Variants in ZBED6 observed in about 807,000 individuals in gnomAD.
ZBED6 encodes the protein zinc finger BED domain-containing protein 6.
In ZBED6, 40 loss-of-function variants were observed where a neutral mutation model predicts 58.4. The observed-to-expected ratio is 0.68, with a 90% confidence interval of 0.53 to 0.89. The LOEUF (loss-of-function observed/expected upper bound fraction) is 0.89, where lower values mean the gene tolerates loss of function less well. Among genes scored for constraint, ZBED6 ranks in the 40% least tolerant of loss-of-function variants. ZBED6 has a pLI of 0.00. For synonymous variants in ZBED6, 439 were observed against 350.6 expected (o/e 1.25, Z -2.82); for missense variants, 1,057 against 1,003.9 (o/e 1.05, Z -0.71).
At chr1:203,830,172 G>A in exon 7 of ZBED6, 1 of 1,598,774 alleles carries the variant, frequency 6.3e-7, no homozygotes, top group Non-Finnish European at 8.5e-7. Context: ...TTAAGTCAAA[G>A]AAAATGAAGG....
At chr1:203,815,596 A>G (rs1178358190) in intron 1 of ZBED6, among the ~76,000 whole-genome samples, 1 of 152,078 alleles carries the variant, frequency 6.6e-6, no homozygotes, top group African/African-American at 2.4e-5. Flanking sequence ...ATTATAATAC[A>G]TTCTAGAAAT....
rs765761791 is a variant in ZBED6 at position 203,831,690 on chromosome 1, C to G, written c.*3429C>G. ...TTCTTCAGGAGTTTCCAGTCTTTTA[C>G]TCCACCCTGAGCCCGTTCCAGGTCC... On this transcript the variant is annotated 3_prime_UTR_variant, in exon 8 of 17. Coordinates refer to ENST00000550078, the Ensembl canonical transcript of ZBED6. The G allele has an allele frequency of 5.0e-6, 8 of 1,612,914 alleles. No individual in the cohort carries two copies. In the East Asian group the frequency reaches 8.9e-5, roughly 18 times the overall value.
chr1:203,851,025 C>CT, intron 15 of ZBED6, 32 bp from the exon 16 acceptor site: 1 of 1,610,486 alleles, frequency 6.2e-7, no homozygotes. Context: ...AAGCCTGACT[C>CT]TCACTGAATT....
At chr1:203,839,235 AG>A (rs1425010096) in intron 10 of ZBED6, among the ~76,000 whole-genome samples, 1 of 152,210 alleles carries the variant, frequency 6.6e-6, no homozygotes, top group Admixed American at 6.5e-5. Flanking sequence ...TTTAAAGACA[AG>A]GTTTCACAGT....
At position 203,801,869 on chromosome 1, in the gene ZBED6, A is replaced by G. The variant is rs556669771; in HGVS notation, c.*1407A>G. ...GGTAAATATGCCATTGTGAAATGAA[A>G]TCTCAACTCCAAAAGTTTACCCTTT... is the stretch of plus-strand genomic sequence containing the variant. On this transcript the variant is annotated 3_prime_UTR_variant, in exon 1 of 17. Coordinates refer to ENST00000550078, the Ensembl canonical transcript of ZBED6. 15 of 149,842 alleles carry G rather than the reference A, an allele frequency of 1.0e-4. No individual in the cohort carries two copies. The South Asian group carries it at 2.9e-3, about 29-fold the overall frequency. 9.3% of individuals were successfully genotyped at this position (149,842 alleles called of 1,614,324 possible). A position where few individuals can be genotyped will look rare whatever the true frequency, so the allele number is the denominator to read the frequency against.
intron 3 of ZBED6, among the ~76,000 whole-genome samples, chr1:203,825,004 G>A (rs1180743271): frequency 6.7e-6 from 1 of 148,748 alleles, no homozygotes; most frequent in Non-Finnish European, 1.5e-5. Flanking sequence ...TTGAACCCTG[G>A]AGGTGGAGGT....
chr1:203,806,233 T>G, intron 1 of ZBED6: 1 of 364,574 alleles, frequency 2.7e-6, no homozygotes, highest in South Asian at 2.2e-5. Flanking sequence ...CAGCGGAGCC[T>G]TAATTTCACT....
At chr1:203,799,233 C>T (rs756860781) in exon 1 of ZBED6, 5 of 868,464 alleles carry the variant, frequency 5.8e-6, no homozygotes, top group Non-Finnish European at 9.3e-6. Flanking sequence ...TAATGTGGTA[C>T]ATGCAATCAA....
At chr1:203,849,557 AG>A (rs1447902764) in intron 13 of ZBED6, among the ~76,000 whole-genome samples, 153 bp from the exon 14 acceptor site, 1 of 152,166 alleles carries the variant, frequency 6.6e-6, no homozygotes, top group Non-Finnish European at 1.5e-5. Flanking sequence ...CATCTTTAAC[AG>A]GGTATTGTCT....
chr1:203,843,177 C>G (rs1259242908), intron 11 of ZBED6, among the ~76,000 whole-genome samples: 2 of 151,980 alleles, frequency 1.3e-5, no homozygotes, highest in Non-Finnish European at 2.9e-5. Flanking sequence ...GCTGCAGGTT[C>G]ACTGTTGTGG....
At chr1:203,800,021 A>G in exon 1 of ZBED6, 1 of 1,536,072 alleles carries the variant, frequency 6.5e-7, no homozygotes, top group Non-Finnish European at 8.7e-7. Flanking sequence ...CCTCATCTCT[A>G]AAAGAAGGCA....
chr1:203,797,413 C>T, exon 1 of ZBED6: 1 of 1,085,768 alleles, frequency 9.2e-7, no homozygotes, highest in South Asian at 1.9e-5. Flanking sequence ...ATTTGATTCC[C>T]CATAGAAACT....
intron 3 of ZBED6, among the ~76,000 whole-genome samples, chr1:203,825,523 C>T (rs887429310): frequency 4.0e-5 from 6 of 150,658 alleles, no homozygotes; most frequent in Non-Finnish European, 7.4e-5. Flanking sequence ...AAACTTCCAC[C>T]TCCCGGGTTC....
At chr1:203,837,290 CAA>C (rs11372939) in intron 9 of ZBED6, among the ~76,000 whole-genome samples, 5 of 141,418 alleles carry the variant, frequency 3.5e-5, no homozygotes, top group Non-Finnish European at 3.1e-5. Context: ...GATCCTGTCT[CAA>C]AAAAAAAAAA....
chr1:203,840,509 A>G, intron 11 of ZBED6, 135 bp downstream of exon 11: 1 of 815,926 alleles, frequency 1.2e-6, no homozygotes, highest in East Asian at 2.8e-5. Context: ...TTTTTTAAGT[A>G]ATTGATCAAG....
intron 8 of ZBED6, among the ~76,000 whole-genome samples, 173 bp from the exon 9 acceptor site, chr1:203,833,618 G>GTTTTGT (rs1406798880): frequency 8.0e-6 from 1 of 124,832 alleles, no homozygotes; most frequent in East Asian, 2.3e-4. Context: ...ATAGGTTTGG[G>GTTTTGT]TTTTTTTTTT....
At chr1:203,816,769 A>G (rs943199438) in intron 1 of ZBED6, among the ~76,000 whole-genome samples, 157 bp from the exon 2 acceptor site, 1 of 152,202 alleles carries the variant, frequency 6.6e-6, no homozygotes, top group Non-Finnish European at 1.5e-5. Flanking sequence ...GTAGATGGGA[A>G]TGTACAGTAT....
At chr1:203,820,466 T>TTGTGTGTG (rs144962991) in intron 3 of ZBED6, among the ~76,000 whole-genome samples, 3 of 136,470 alleles carry the variant, frequency 2.2e-5, no homozygotes, top group Non-Finnish European at 4.9e-5. Flanking sequence ...ATATCACAAA[T>TTGTGTGTG]TATGTGTGTG....
At chr1:203,821,422 A>G (rs911408163) in intron 3 of ZBED6, among the ~76,000 whole-genome samples, 6 of 152,024 alleles carry the variant, frequency 3.9e-5, no homozygotes, top group African/African-American at 9.7e-5. Context: ...CTCTGTTACT[A>G]TCATTACTTT....
Sources: allele counts gnomAD v4.1 joint callset (sites outside exome capture counted in the v4.1 genomes callset), GRCh38; gene constraint gnomAD v4.1.1; transcripts MANE v1.5; gene names NCBI Gene and HGNC (gene_info 2026-07-23, HGNC 2026-07-21).